ANO2: variants seen among roughly 807,000 people sequenced by gnomAD.
The protein encoded by ANO2 is anoctamin-2.
Under a neutral mutation model 124.2 loss-of-function variants are expected in ANO2, and 101 were observed. That is an observed-to-expected ratio of 0.81 (90% confidence interval 0.69 to 0.96). The LOEUF (loss-of-function observed/expected upper bound fraction) is 0.96, where lower values mean the gene tolerates loss of function less well. Among genes scored for constraint, ANO2 ranks in the 40% least tolerant of loss-of-function variants. The pLI, the probability that ANO2 is intolerant of heterozygous loss-of-function variation, is 0.00. For synonymous variants in ANO2, 486 were observed against 482.5 expected (o/e 1.01, Z -0.09); for missense variants, 1,293 against 1,274.5 (o/e 1.01, Z -0.22).
At chr12:5,567,848 T>C (rs1436309040) in intron 23 of ANO2, among the ~76,000 whole-genome samples, 2 of 152,246 alleles carry the variant, frequency 1.3e-5, no homozygotes, top group African/African-American at 4.8e-5. Flanking sequence ...CAGAAAACTC[T>C]ACTTGAAAAT....
chr12:5,636,283 G>A lies in ANO2; in HGVS notation c.1621-936C>T, dbSNP rs1386732080. On this transcript the variant is annotated intron_variant, in intron 15 of 24. Transcript: ENST00000682330. This position sits in a 1 kb window ranked among gnomAD's most constrained non-coding sequence, Gnocchi z 4.6. ...CCCCTCCTGTCCCCATCGCAACCAA[G>A]GAAGGATCATTTCCAGGAAGCACAA... Among the ~76,000 whole-genome samples, 1 of 152,086 alleles carries A rather than the reference G, an allele frequency of 6.6e-6. No homozygotes were observed. Among genetic ancestry groups the A allele is most frequent in the African/African-American group, 2.4e-5 (1 of 41,422 alleles).
intron 3 of ANO2, among the ~76,000 whole-genome samples, chr12:5,909,063 C>T (rs1940878119): frequency 1.3e-5 from 2 of 152,190 alleles, no homozygotes; most frequent in South Asian, 2.1e-4. Flanking sequence ...AGAACATGCA[C>T]AGATCATGAT....
At chr12:5,637,803 C>A (rs1430712349) in intron 15 of ANO2, among the ~76,000 whole-genome samples, 1 of 152,082 alleles carries the variant, frequency 6.6e-6, no homozygotes, top group Non-Finnish European at 1.5e-5. Context: ...ATTTCCTATC[C>A]CACTATAGAA....
chr12:5,740,093 A>G (rs1406887041), intron 12 of ANO2: 1 of 416,480 alleles, frequency 2.4e-6, no homozygotes, highest in African/African-American at 2.0e-5. Flanking sequence ...CGCCTTTCTC[A>G]GCATGCTCTA....
chr12:5,907,568 C>A (rs1940781032), intron 3 of ANO2, among the ~76,000 whole-genome samples: 1 of 152,084 alleles, frequency 6.6e-6, no homozygotes, highest in African/African-American at 2.4e-5. Context: ...GATGCCTAAT[C>A]CACTCATCAA....
intron 3 of ANO2, among the ~76,000 whole-genome samples, chr12:5,885,357 C>A (rs1007046348): frequency 4.6e-5 from 7 of 152,240 alleles, no homozygotes; most frequent in Non-Finnish European, 1.0e-4. Flanking sequence ...TCAGCCCAGG[C>A]TATGTCTGAG....
chr12:5,614,148 T>A (rs1391044249), intron 17 of ANO2, among the ~76,000 whole-genome samples: 1 of 152,248 alleles, frequency 6.6e-6, no homozygotes, highest in Non-Finnish European at 1.5e-5. Context: ...GCCAACTGGC[T>A]TGATCATAAA....
At chr12:5,604,262 A>G (rs984684979) in intron 19 of ANO2, among the ~76,000 whole-genome samples, 6 of 152,174 alleles carry the variant, frequency 3.9e-5, no homozygotes, top group Non-Finnish European at 8.8e-5. Context: ...ATACAACGTA[A>G]GAGGCAGTTT....
chr12:5,853,553 T>C (rs1325255495), intron 4 of ANO2, among the ~76,000 whole-genome samples: 2 of 152,092 alleles, frequency 1.3e-5, no homozygotes, highest in East Asian at 3.9e-4. Flanking sequence ...AAGAACCTTC[T>C]GATTTACAGA....
At chr12:5,671,120 C>T (rs251765) in intron 14 of ANO2, among the ~76,000 whole-genome samples, 152,105 of 152,240 alleles carry the variant, frequency 1, 75,985 homozygotes, top group Middle Eastern at 1. Context: ...CTACAAGAGG[C>T]AGACCACTGT....
intron 17 of ANO2, among the ~76,000 whole-genome samples, chr12:5,613,224 CGTGTATGT>C (rs1412562364): frequency 6.6e-6 from 1 of 151,868 alleles, no homozygotes; most frequent in African/African-American, 2.4e-5. Flanking sequence ...GGTGTGTGTG[CGTGTATGT>C]GTGTGTGTGT....
At chr12:5,816,859 C>T (rs1299826693) in intron 7 of ANO2, among the ~76,000 whole-genome samples, 2 of 152,194 alleles carry the variant, frequency 1.3e-5, no homozygotes, top group African/African-American at 2.4e-5. Context: ...CGTCTGTCTG[C>T]ATGGCTAAAC....
chr12:5,832,655 G>C, intron 4 of ANO2, 52 bp from the exon 5 acceptor site: 1 of 1,539,264 alleles, frequency 6.5e-7, no homozygotes, highest in Non-Finnish European at 8.7e-7. Context: ...CCAGCAGAGA[G>C]GAATGGCTTC....
intron 15 of ANO2, among the ~76,000 whole-genome samples, chr12:5,639,598 A>G (rs1478293360): frequency 6.6e-6 from 1 of 152,190 alleles, no homozygotes; most frequent in Non-Finnish European, 1.5e-5. Context: ...GTGACCTTTT[A>G]CCAAATACCT....
At chr12:5,689,665 C>G (rs1293561025) in intron 14 of ANO2, among the ~76,000 whole-genome samples, 2 of 152,106 alleles carry the variant, frequency 1.3e-5, no homozygotes, top group African/African-American at 4.8e-5. Flanking sequence ...TCCATCCCAG[C>G]ATAACACACA....
chr12:5,801,771 C>A (rs1164783046), intron 9 of ANO2, among the ~76,000 whole-genome samples: 2 of 152,210 alleles, frequency 1.3e-5, no homozygotes, highest in Non-Finnish European at 2.9e-5. Context: ...CATCTGAATT[C>A]ATGAGCACTG....
chr12:5,810,605 C>G (rs1416340558), intron 7 of ANO2, among the ~76,000 whole-genome samples: 1 of 152,150 alleles, frequency 6.6e-6, no homozygotes, highest in African/African-American at 2.4e-5. Context: ...GGATGGGAGA[C>G]AGTGAGAAGA....
At chr12:5,632,321 G>C (rs1460678739) in intron 16 of ANO2, among the ~76,000 whole-genome samples, 1 of 151,942 alleles carries the variant, frequency 6.6e-6, no homozygotes, top group Non-Finnish European at 1.5e-5. Context: ...TCACACAAAA[G>C]AGATTCACAT....
rs1372470395 is a variant in ANO2 at position 5,862,768 on chromosome 12, T to A, written c.535-8627A>T. Reference sequence around the variant, plus strand: ...AATAAGCTCACAAGATCTGATGGTTTTATAAGGGAAAACCTCTTTCTTTCT... The same window carrying A: ...AATAAGCTCACAAGATCTGATGGTTATATAAGGGAAAACCTCTTTCTTTCT... On this transcript the variant is annotated intron_variant, in intron 3 of 24. Coordinates refer to ENST00000682330, the MANE Select transcript of ANO2 (RefSeq NM_001364791.2). The surrounding 1 kb of genome is among the most constrained non-coding windows in gnomAD (Gnocchi z 4.0). 6.6e-6 allele frequency among the ~76,000 whole-genome samples: 1 copy of A among 152,104 alleles called. No individual in the cohort carries two copies. The highest frequency in any genetic ancestry group is 2.4e-5 in the African/African-American group (1 of 41,402).
Sources: gnomAD v4.1 joint callset for allele counts (sites outside exome capture counted in the v4.1 genomes callset) on GRCh38, gnomAD v4.1.1 for gene constraint, Gnocchi (gnomAD v3.1) non-coding constraint, MANE v1.5 for transcripts, NCBI Gene and HGNC (gene_info 2026-07-23, HGNC 2026-07-21) for gene names.